PDS5B: variants seen among roughly 807,000 people sequenced by gnomAD.
The protein encoded by PDS5B is PDS5 cohesin associated factor B.
In PDS5B, 51 loss-of-function variants were observed where a neutral mutation model predicts 184.1. The observed-to-expected ratio is 0.28, with a 90% CI of 0.22 to 0.35. The LOEUF is 0.35. PDS5B is among the 10% of genes least tolerant of loss of function. The pLI, the probability that PDS5B is intolerant of heterozygous loss-of-function variation, is 1.00. For synonymous variants in PDS5B, 566 were observed against 569.2 expected (o/e 0.99, Z 0.08); for missense variants, 1,180 against 1,723.3 (o/e 0.68, Z 5.58).
At chr13:32,688,410 A>C in intron 12 of PDS5B, 46 bp from the exon 13 acceptor site, 1 of 928,366 alleles carries the variant, frequency 1.1e-6, no homozygotes, top group Admixed American at 2.3e-5. Context: ...ACAACTTTAG[A>C]ACATTAGAAA....
intron 1 of PDS5B, among the ~76,000 whole-genome samples, chr13:32,629,083 C>T (rs558217868): frequency 3.2e-4 from 49 of 152,276 alleles, no homozygotes; most frequent in Non-Finnish European, 5.7e-4. Flanking sequence ...AAATTTTTCT[C>T]TGTGAACTTT....
intron 1 of PDS5B, among the ~76,000 whole-genome samples, chr13:32,621,124 T>C (rs544400857): frequency 1.3e-5 from 2 of 152,366 alleles, no homozygotes; most frequent in African/African-American, 2.4e-5. Flanking sequence ...AATCTGTGTA[T>C]GTATGTTTAT....
intron 21 of PDS5B, among the ~76,000 whole-genome samples, chr13:32,738,199 T>C (rs914585384): frequency 6.6e-6 from 1 of 152,240 alleles, no homozygotes; most frequent in Non-Finnish European, 1.5e-5. Flanking sequence ...AGCCCCCTGC[T>C]ACATATGAGC....
rs1391071327 is a variant in PDS5B, at chr13:32,776,650, C to A, written c.*1598C>A. On this transcript the variant is annotated 3_prime_UTR_variant, in exon 35 of 35. Transcript: ENST00000315596. ...AAATTTATCACATTGAATAGTGGAA[C>A]ATTTTCATATGATACACCATTATGT... 3 of 152,210 alleles carry A rather than the reference C, an allele frequency of 2.0e-5. No individual in the cohort carries two copies. Among genetic ancestry groups the A allele is most frequent in the African/African-American group, 7.2e-5 (3 of 41,382 alleles). The allele number at this position is 152,210 out of a possible 1,614,324, so 9.4% of individuals were successfully genotyped here.
At position 32,692,403 on chromosome 13, in the gene PDS5B, C is replaced by T. The variant is rs546534669; in HGVS notation, c.1470-1820C>T. Among the ~76,000 whole-genome samples, 266 of 112,606 alleles carry T rather than the reference C, an allele frequency of 2.4e-3. 4 individuals are homozygous for T. Among genetic ancestry groups the T allele is most frequent in the African/African-American group, 7.4e-3 (240 of 32,322 alleles). The allele number at this position is 112,606 out of a possible 152,430, so 73.9% of individuals were successfully genotyped here. On this transcript the variant is annotated intron_variant, in intron 13 of 34. Transcript: ENST00000315596. Reference sequence around the variant, plus strand: ...TCTTCTCTTTTATTAAACAAGTTTGCGTCCAAAAAGCCTTTTTTTTTTTTT... The same window carrying T: ...TCTTCTCTTTTATTAAACAAGTTTGTGTCCAAAAAGCCTTTTTTTTTTTTT...
At chr13:32,739,569 C>A (rs1177364182) in intron 21 of PDS5B, among the ~76,000 whole-genome samples, 2 of 152,072 alleles carry the variant, frequency 1.3e-5, no homozygotes, top group Non-Finnish European at 2.9e-5. Flanking sequence ...CTAATGCTTG[C>A]ATATTTTATT....
chr13:32,674,488 C>A (rs1410655602), intron 8 of PDS5B, among the ~76,000 whole-genome samples: 3 of 152,060 alleles, frequency 2.0e-5, no homozygotes, highest in African/African-American at 7.2e-5. Context: ...CAGGTAGCCA[C>A]ACCTCTAATT....
chr13:32,696,549 A>T (rs1951709447), intron 14 of PDS5B, among the ~76,000 whole-genome samples: 3 of 142,332 alleles, frequency 2.1e-5, no homozygotes, highest in Admixed American at 1.4e-4. Context: ...TTTCAGCTCT[A>T]AAAAAAAAAA....
At chr13:32,721,615 G>A (rs2140926388) in intron 19 of PDS5B, among the ~76,000 whole-genome samples, 1 of 151,088 alleles carries the variant, frequency 6.6e-6, no homozygotes, top group East Asian at 2.0e-4. Context: ...GGGGCAGCCG[G>A]GCAGAGGTGC....
At chr13:32,650,524 A>G (rs151145823) in intron 2 of PDS5B, 12 of 152,288 alleles carry the variant, frequency 7.9e-5, no homozygotes, top group Admixed American at 2.0e-4. Flanking sequence ...TTAATCTCTT[A>G]TCTTTTGTTA....
intron 11 of PDS5B, among the ~76,000 whole-genome samples, chr13:32,685,274 C>T (rs1232938236): frequency 6.6e-6 from 1 of 152,184 alleles, no homozygotes; most frequent in Non-Finnish European, 1.5e-5. Context: ...TAAATTTAGA[C>T]TAATCTTTAT....
At chr13:32,624,006 T>C (rs1409446368) in intron 1 of PDS5B, among the ~76,000 whole-genome samples, 1 of 152,068 alleles carries the variant, frequency 6.6e-6, no homozygotes, top group Admixed American at 6.6e-5. Context: ...GAGATGGGGT[T>C]TCACCATGTT....
intron 1 of PDS5B, among the ~76,000 whole-genome samples, chr13:32,597,606 G>A (rs544229234): frequency 2.6e-5 from 4 of 152,010 alleles, no homozygotes; most frequent in East Asian, 1.9e-4. Flanking sequence ...CCGAGGGGGG[G>A]GCGGCAGGGG....
rs551427923 is a variant in PDS5B at position 32,720,554 on chromosome 13, T to G, written c.2123+10448T>G. Among the ~76,000 whole-genome samples the G allele has an allele frequency of 2.0e-5, 3 of 152,322 alleles. No individual in the cohort carries two copies. In the East Asian group the frequency reaches 5.8e-4, roughly 29 times the overall value. On this transcript the variant is annotated intron_variant, in intron 19 of 34. Transcript: ENST00000315596. ...AGACCAGATGTATATGGTAGTCTCT[T>G]AAGATTATGATGGAGCTGCACTGCA...
At chr13:32,652,120 A>G (rs1950379860) in intron 3 of PDS5B, 113 bp downstream of exon 3, 2 of 751,868 alleles carry the variant, frequency 2.7e-6, no homozygotes, top group Non-Finnish European at 2.3e-6. Flanking sequence ...GACATTAGCT[A>G]CAGTAATCTT....
intron 25 of PDS5B, 55 bp downstream of exon 25, chr13:32,753,591 T>G: frequency 1.7e-6 from 2 of 1,166,318 alleles, no homozygotes; most frequent in Non-Finnish European, 2.5e-6. Flanking sequence ...GTTTCAGTTT[T>G]ATAGAATATA....
At chr13:32,652,277 G>A (rs958887570) in intron 3 of PDS5B, 16 of 282,824 alleles carry the variant, frequency 5.7e-5, no homozygotes, top group African/African-American at 3.3e-4. Flanking sequence ...AATTTTGGGG[G>A]CAATTCCTTT....
At chr13:32,736,783 G>A (rs1953344457) in intron 21 of PDS5B, among the ~76,000 whole-genome samples, 1 of 151,886 alleles carries the variant, frequency 6.6e-6, no homozygotes, top group South Asian at 2.1e-4. Context: ...TGACCTAGCT[G>A]TGTGACACAC....
intron 31 of PDS5B, among the ~76,000 whole-genome samples, chr13:32,766,914 T>A (rs572505012): frequency 1.8e-4 from 28 of 152,310 alleles, no homozygotes; most frequent in African/African-American, 6.0e-4. Context: ...AAAAGAATTA[T>A]AGTAATTAAA....
Sources: gnomAD v4.1 joint callset for allele counts (sites outside exome capture counted in the v4.1 genomes callset) on GRCh38, gnomAD v4.1.1 for gene constraint, MANE v1.5 for transcripts, NCBI Gene and HGNC (gene_info 2026-07-23, HGNC 2026-07-21) for gene names.